The following CNTNAP4 variants were observed in gnomAD, a reference collection of about 807,000 sequenced individuals.
CNTNAP4 encodes contactin-associated protein-like 4.
A neutral mutation model predicts 148.4 loss-of-function variants in CNTNAP4; 98 were observed. The observed-to-expected ratio is 0.66, with a 90% CI of 0.56 to 0.78. CNTNAP4 has a LOEUF of 0.78. Ranked by LOEUF, CNTNAP4 falls within the 30% of genes least tolerant of loss-of-function variation. CNTNAP4 has a pLI of 0.00. For missense variants in CNTNAP4, 1,935 were observed against 1,565.6 expected (o/e 1.24, Z -3.98); for synonymous variants, 730 against 565.1 (o/e 1.29, Z -4.14).
chr16:76,475,340 G>A (rs11149905), intron 10 of CNTNAP4, among the ~76,000 whole-genome samples: 23,055 of 152,164 alleles, frequency 0.15, 2,126 homozygotes, highest in South Asian at 0.3. Flanking sequence ...ACTACCTCAA[G>A]CTAGTTAGTC....
intron 15 of CNTNAP4, 94 bp from the exon 16 acceptor site, chr16:76,521,046 G>A (rs2144099647): frequency 8.4e-7 from 1 of 1,190,728 alleles, no homozygotes; most frequent in Non-Finnish European, 1.2e-6. Context: ...AATAGCAAAA[G>A]TGCTAAAAAT....
At chr16:76,385,590 T>C (rs1009176818) in intron 3 of CNTNAP4, among the ~76,000 whole-genome samples, 1 of 150,934 alleles carries the variant, frequency 6.6e-6, no homozygotes, top group Non-Finnish European at 1.5e-5. Flanking sequence ...AGAGAGTGAG[T>C]TGATTCTCAT....
In CNTNAP4 at chr16:76,314,901, ATT is replaced by A. The variant is rs913170114; in HGVS notation, c.86-1504_86-1503del. Among the ~76,000 whole-genome samples, 3 of 151,046 alleles carry A rather than the reference ATT, an allele frequency of 2.0e-5. No individual in the cohort carries two copies. The Admixed American group carries it at 2.0e-4, about 10-fold the overall frequency. On this transcript the variant is annotated intron_variant, in intron 1 of 23. Coordinates refer to ENST00000611870, the MANE Select transcript of CNTNAP4 (RefSeq NM_033401.5). Reference sequence around the variant, plus strand: ...CAAGATCCTGAATTTTATAATTTTCATTTTTTTTTGTAAAAGTAGTTTTTTAA... The same window carrying A: ...CAAGATCCTGAATTTTATAATTTTCATTTTTTTGTAAAAGTAGTTTTTTAA...
At chr16:76,473,347 C>G (rs1013488479) in intron 10 of CNTNAP4, among the ~76,000 whole-genome samples, 2 of 152,136 alleles carry the variant, frequency 1.3e-5, no homozygotes, top group African/African-American at 4.8e-5. Context: ...TTGTCAGTGA[C>G]ATTTCTTTTT....
chr16:76,344,887 T>C (rs1964777613), intron 2 of CNTNAP4, among the ~76,000 whole-genome samples: 2 of 152,240 alleles, frequency 1.3e-5, no homozygotes, highest in African/African-American at 4.8e-5. Flanking sequence ...TGTACTCATA[T>C]GATGTCATGG....
chr16:76,450,902 G>A (rs2080441648), intron 7 of CNTNAP4, among the ~76,000 whole-genome samples: 1 of 152,222 alleles, frequency 6.6e-6, no homozygotes, highest in African/African-American at 2.4e-5. Context: ...GGCCTGGCAG[G>A]GGAAGTGCGA....
Position 76,277,464 on chromosome 16 carries a change from CGGGGAGAGAGAG to C in CNTNAP4, c.-198_-187del. 1 of 546,478 alleles carries C rather than the reference CGGGGAGAGAGAG, an allele frequency of 1.8e-6. No individual in the cohort carries two copies. The highest frequency in any genetic ancestry group is 3.2e-6 in the Non-Finnish European group (1 of 309,792). The allele number at this position is 546,478 out of a possible 1,614,324, so 33.9% of individuals were successfully genotyped here. ...GAGAGAGAAAAGAGAGAGACAGAGA[CGGGGAGAGAGAG>C]AGGGAGAGAGAAGAGAGGGAGGAGG... On this transcript the variant is annotated 5_prime_UTR_variant, in exon 1 of 24. Coordinates refer to ENST00000611870, the MANE Select transcript of CNTNAP4 (RefSeq NM_033401.5).
chr16:76,382,557 T>TA (rs1386426320), intron 3 of CNTNAP4, among the ~76,000 whole-genome samples: 2 of 152,294 alleles, frequency 1.3e-5, no homozygotes. Context: ...GAAGCAAATC[T>TA]AAAATCAGAA....
At chr16:76,445,127 T>A (rs1179120955) in intron 4 of CNTNAP4, among the ~76,000 whole-genome samples, 1 of 152,084 alleles carries the variant, frequency 6.6e-6, no homozygotes, top group Non-Finnish European at 1.5e-5. Flanking sequence ...GTAATCCTAG[T>A]TTATGGGGAC....
intron 2 of CNTNAP4, among the ~76,000 whole-genome samples, chr16:76,329,322 T>G (rs1003991442): frequency 8.5e-5 from 13 of 152,230 alleles, no homozygotes; most frequent in African/African-American, 2.9e-4. Flanking sequence ...TTTGTCTCTC[T>G]GGTTTTCCCA....
chr16:76,279,361 T>A (rs1001630005), intron 1 of CNTNAP4, among the ~76,000 whole-genome samples: 1 of 152,250 alleles, frequency 6.6e-6, no homozygotes, highest in African/African-American at 2.4e-5. Context: ...GGGCTGCTAG[T>A]TGTTTATGTT....
At chr16:76,416,633 T>G (rs1231197172) in intron 3 of CNTNAP4, among the ~76,000 whole-genome samples, 35 of 151,520 alleles carry the variant, frequency 2.3e-4, no homozygotes. Flanking sequence ...TTTATAAATT[T>G]GCAAGAGTGT....
intron 3 of CNTNAP4, among the ~76,000 whole-genome samples, chr16:76,409,918 T>C (rs879088071): frequency 4.6e-5 from 7 of 151,908 alleles, no homozygotes; most frequent in Admixed American, 3.9e-4. Context: ...CTGCATGTTA[T>C]TGAGGCTTGT....
intron 21 of CNTNAP4, among the ~76,000 whole-genome samples, chr16:76,544,640 T>C (rs1465427496): frequency 1.3e-5 from 2 of 152,178 alleles, no homozygotes; most frequent in African/African-American, 4.8e-5. Context: ...TGCATTTGCT[T>C]TTTATATTTA....
chr16:76,365,150 G>T (rs2013955584), intron 3 of CNTNAP4, among the ~76,000 whole-genome samples: 1 of 152,138 alleles, frequency 6.6e-6, no homozygotes, highest in Admixed American at 6.5e-5. Flanking sequence ...CCCATTGCTT[G>T]TTTTTGTCAG....
intron 3 of CNTNAP4, among the ~76,000 whole-genome samples, chr16:76,392,147 C>A (rs1003424669): frequency 1.3e-5 from 2 of 152,080 alleles, no homozygotes; most frequent in Non-Finnish European, 2.9e-5. Context: ...GCTTGTGCCA[C>A]CACACCCAGC....
At chr16:76,491,418 T>G (rs1243860888) in intron 13 of CNTNAP4, among the ~76,000 whole-genome samples, 1 of 152,228 alleles carries the variant, frequency 6.6e-6, no homozygotes, top group Non-Finnish European at 1.5e-5. Context: ...TTGTTTTCTT[T>G]TCTCCAAAAT....
rs541973773 is a variant in CNTNAP4, at chr16:76,506,511, C to A, written c.2365+7817C>A. 2.0e-3 allele frequency among the ~76,000 whole-genome samples: 142 copies of A among 72,622 alleles called. 14 individuals carry two copies. Among genetic ancestry groups the A allele is most frequent in the African/African-American group, 4.3e-3 (140 of 32,694 alleles). The allele number at this position is 72,622 out of a possible 152,430, so 47.6% of individuals were successfully genotyped here. On this transcript the variant is annotated intron_variant, in intron 15 of 23. Coordinates refer to ENST00000611870, the MANE Select transcript of CNTNAP4 (RefSeq NM_033401.5). ...TTTTTTTTTTTTTTTGACAGAATTG[C>A]CCTCTGTTGCCCCGGCTGGAATGCA...
chr16:76,440,902 T>C (rs1334918716), intron 4 of CNTNAP4, among the ~76,000 whole-genome samples: 3 of 152,108 alleles, frequency 2.0e-5, no homozygotes, highest in African/African-American at 4.8e-5. Flanking sequence ...AGCCTCAAAC[T>C]TCTGGAGAAG....
Sources: gnomAD v4.1 joint callset for allele counts (sites outside exome capture counted in the v4.1 genomes callset) on GRCh38, gnomAD v4.1.1 for gene constraint, MANE v1.5 for transcripts, NCBI Gene and HGNC (gene_info 2026-07-23, HGNC 2026-07-21) for gene names.